Variants in RBM39 observed in about 807,000 individuals in gnomAD.
The protein encoded by RBM39 is RNA binding motif protein 39, also known as RNA-binding protein 39.
RBM39 carries 12 observed loss-of-function variants against 79.6 expected under a neutral mutation model. That is an observed-to-expected ratio of 0.15 (90% CI 0.10 to 0.24). The LOEUF is 0.24. RBM39 is among the 10% of genes least tolerant of loss of function. RBM39 has a pLI of 1.00. For missense variants in RBM39, 243 were observed against 653.4 expected (o/e 0.37, Z 6.85); for synonymous variants, 185 against 208.4 (o/e 0.89, Z 0.97).
intron 3 of RBM39, chr20:35,734,766 T>G: frequency 7.8e-7 from 1 of 1,281,046 alleles, no homozygotes; most frequent in Non-Finnish European, 1.0e-6. Flanking sequence ...TACAATCTTT[T>G]GCATAAAAGC....
chr20:35,721,830 T>A lies in RBM39; in HGVS notation c.735A>T (p.Gly245=). ...AAAMANNLQK[G]SAGPMRLYVG... is the part of the protein sequence containing the mutation. ...CATAAAGCCTCATAGGTCCAGCACT[T>A]CCCTTTTGTAAATTGTTTGCCATTG... The change falls in exon 9 of 17, where the codon GGA becomes GGT. Residue 245 remains glycine (G), a synonymous_variant. Transcript: ENST00000253363. 6.2e-7 allele frequency: 1 copy of A among 1,613,994 alleles called. No homozygotes were observed. Among genetic ancestry groups the A allele is most frequent in the Non-Finnish European group, 8.5e-7 (1 of 1,179,894 alleles).
intron 10 of RBM39, among the ~76,000 whole-genome samples, chr20:35,716,500 T>C (rs1305618485): frequency 6.6e-6 from 1 of 152,198 alleles, no homozygotes; most frequent in Non-Finnish European, 1.5e-5. Flanking sequence ...GTGTGATGAT[T>C]TGGTTTTCAC....
At chr20:35,721,444 A>C (rs1311089219) in intron 9 of RBM39, among the ~76,000 whole-genome samples, 1 of 151,964 alleles carries the variant, frequency 6.6e-6, no homozygotes, top group Non-Finnish European at 1.5e-5. Context: ...CTGCCTCAGC[A>C]CCCCAAGTAG....
intron 3 of RBM39, among the ~76,000 whole-genome samples, chr20:35,733,274 G>A (rs1418078306): frequency 7.0e-6 from 1 of 142,350 alleles, no homozygotes; most frequent in African/African-American, 2.6e-5. Context: ...TTGCACTCCA[G>A]CCTGGGCAAA....
intron 10 of RBM39, among the ~76,000 whole-genome samples, chr20:35,716,126 C>T (rs1260947353): frequency 2.0e-5 from 3 of 151,936 alleles, no homozygotes; most frequent in Non-Finnish European, 2.9e-5. Flanking sequence ...AGCACTGCAG[C>T]GCAATAGCAC....
intron 12 of RBM39, among the ~76,000 whole-genome samples, chr20:35,712,466 G>A (rs1420048073): frequency 2.4e-4 from 34 of 141,670 alleles, no homozygotes; most frequent in Non-Finnish European, 4.0e-4. Flanking sequence ...AAAAGGGGGC[G>A]GGGGGTTGGG....
At chr20:35,720,177 G>T (rs1264492412) in intron 9 of RBM39, 1 of 154,970 alleles carries the variant, frequency 6.5e-6, no homozygotes, top group Non-Finnish European at 1.5e-5. Context: ...AGTGGAAAAG[G>T]TTCATTCCTC....
intron 3 of RBM39, among the ~76,000 whole-genome samples, chr20:35,733,119 AC>A (rs374445953): frequency 6.6e-5 from 10 of 152,236 alleles, no homozygotes; most frequent in African/African-American, 2.4e-4. Flanking sequence ...CCCGGCCAAC[AC>A]GGTGAAATCC....
intron 3 of RBM39, chr20:35,734,625 A>T (rs1220807205): frequency 2.9e-6 from 1 of 339,816 alleles, no homozygotes; most frequent in African/African-American, 2.1e-5. Context: ...GCCAAAAGAA[A>T]ACACTTGAAA....
chr20:35,736,969 C>T (rs976448280), intron 3 of RBM39, among the ~76,000 whole-genome samples: 3 of 149,738 alleles, frequency 2.0e-5, no homozygotes, highest in Non-Finnish European at 3.0e-5. Context: ...TTTTTTAAGA[C>T]GGAGTCTCAG....
chr20:35,723,246 GA>G (rs2038222183), intron 8 of RBM39, among the ~76,000 whole-genome samples: 8 of 139,972 alleles, frequency 5.7e-5, no homozygotes, highest in African/African-American at 2.1e-4. Flanking sequence ...AAAAAAAAAA[GA>G]AAAGTTGTCC....
chr20:35,736,126 A>C (rs1224750374), intron 3 of RBM39, among the ~76,000 whole-genome samples: 1 of 152,180 alleles, frequency 6.6e-6, no homozygotes, highest in Non-Finnish European at 1.5e-5. Flanking sequence ...TAAATTGGAT[A>C]ATTTATGTCA....
intron 8 of RBM39, among the ~76,000 whole-genome samples, chr20:35,722,431 A>T (rs564604619): frequency 6.8e-5 from 10 of 147,808 alleles, no homozygotes; most frequent in African/African-American, 2.3e-4. Context: ...TAAAAAAAAA[A>T]ATAAAAATAA....
intron 9 of RBM39, among the ~76,000 whole-genome samples, chr20:35,718,111 G>A (rs980372962): frequency 3.9e-5 from 6 of 151,970 alleles, no homozygotes; most frequent in Non-Finnish European, 5.9e-5. Context: ...CACCCGCCTC[G>A]GCCTCCCAAA....
At chr20:35,723,070 ATTG>A (rs2038191000) in intron 8 of RBM39, among the ~76,000 whole-genome samples, 1 of 152,184 alleles carries the variant, frequency 6.6e-6, no homozygotes, top group African/African-American at 2.4e-5. Context: ...GCTTCCTGGA[ATTG>A]TTAGACACAA....
Position 35,710,644 on chromosome 20 carries a change from T to C in RBM39, c.1175-1370A>G, listed in dbSNP as rs2036286820. 4 of 152,282 alleles carry C rather than the reference T, an allele frequency of 2.6e-5. No homozygotes were observed. In the South Asian group the frequency reaches 6.2e-4, roughly 24 times the overall value. 9.4% of individuals were successfully genotyped at this position (152,282 alleles called of 1,614,324 possible). ...ATGACCCATCCCTAGTTTCACCCAA[T>C]AGCTTTAAAAGACTTAGGGGACAAG... On this transcript the variant is annotated intron_variant, in intron 12 of 16. Transcript: ENST00000253363.
intron 3 of RBM39, chr20:35,735,129 T>C (rs752609722): frequency 1.4e-6 from 2 of 1,458,862 alleles, no homozygotes; most frequent in Non-Finnish European, 1.8e-6. Context: ...CCAAAATTTA[T>C]AGATAATCCA....
At chr20:35,739,318 TA>T (rs2040296776) in intron 2 of RBM39, 1 of 460,986 alleles carries the variant, frequency 2.2e-6, no homozygotes, top group Non-Finnish European at 4.3e-6. Context: ...TTGAAGTGGT[TA>T]AATATAATTT....
intron 6 of RBM39, among the ~76,000 whole-genome samples, chr20:35,727,901 G>A (rs568565554): frequency 3.9e-5 from 6 of 152,090 alleles, no homozygotes; most frequent in East Asian, 3.9e-4. Flanking sequence ...CGCCTGCCTC[G>A]GCCTTCCAGA....
Sources: allele counts gnomAD v4.1 joint callset (sites outside exome capture counted in the v4.1 genomes callset), GRCh38; gene constraint gnomAD v4.1.1; transcripts MANE v1.5; gene names NCBI Gene and HGNC (gene_info 2026-07-23, HGNC 2026-07-21).